KIAA1549L: variants seen among roughly 807,000 people sequenced by gnomAD.
KIAA1549L encodes the protein UPF0606 protein KIAA1549L.
In KIAA1549L, 88 loss-of-function variants were observed where a neutral mutation model predicts 160.7. The ratio of observed to expected loss-of-function variants is 0.55; its 90% CI spans 0.46 to 0.65. KIAA1549L has a LOEUF of 0.65. Ranked by LOEUF, KIAA1549L falls within the 30% of genes least tolerant of loss-of-function variation. The probability of loss-of-function intolerance (pLI) is 0.00; values close to 1 mark genes in which losing one functional copy is unlikely to be tolerated. For missense variants in KIAA1549L, 2,258 were observed against 2,437.5 expected, an observed-to-expected ratio of 0.93 and a Z score of 1.55; for synonymous variants, 950 against 976.7, an observed-to-expected ratio of 0.97 and a Z score of 0.51.
At chr11:33,546,862 C>A (rs1854282889) in intron 3 of KIAA1549L, among the ~76,000 whole-genome samples, 1 of 152,202 alleles carries the variant, frequency 6.6e-6, no homozygotes, top group South Asian at 2.1e-4. Flanking sequence ...TAGGTGCAGT[C>A]AAGGTCAACA....
chr11:33,426,119 A>G (rs1467658067), intron 1 of KIAA1549L, among the ~76,000 whole-genome samples: 1 of 152,218 alleles, frequency 6.6e-6, no homozygotes, highest in African/African-American at 2.4e-5. Context: ...GCAACATTCA[A>G]ATAAGGTCTA....
intron 15 of KIAA1549L, among the ~76,000 whole-genome samples, chr11:33,611,729 ACACT>A (rs1358139194): frequency 1.3e-5 from 2 of 152,068 alleles, no homozygotes; most frequent in Admixed American, 6.5e-5. Context: ...TTTCATGCTG[ACACT>A]CAGGGAAAAT....
At chr11:33,466,966 T>A (rs1184531879) in intron 1 of KIAA1549L, among the ~76,000 whole-genome samples, 1 of 40,202 alleles carries the variant, frequency 2.5e-5, no homozygotes, top group East Asian at 5.5e-4. Context: ...CTGGGGCCTG[T>A]TGGGGGGTGG....
At chr11:33,435,780 A>ATGTGTGTGTGTGTGTGTGTGTGTG (rs1307533670) in intron 1 of KIAA1549L, among the ~76,000 whole-genome samples, 1 of 18,336 alleles carries the variant, frequency 5.5e-5, no homozygotes, top group African/African-American at 4.0e-4. Context: ...ATATATATAT[A>ATGTGTGTGTGTGTGTGTGTGTGTG]TATATATATA....
chr11:33,504,476 T>C (rs1853032915), intron 1 of KIAA1549L, among the ~76,000 whole-genome samples: 1 of 151,724 alleles, frequency 6.6e-6, no homozygotes, highest in African/African-American at 2.4e-5. Context: ...CCTTTCTCTT[T>C]CCTTTTTTTG....
intron 13 of KIAA1549L, among the ~76,000 whole-genome samples, chr11:33,603,400 C>A (rs550234631): frequency 6.6e-6 from 1 of 151,974 alleles, no homozygotes; most frequent in African/African-American, 2.4e-5. Context: ...TAAGCTGCAA[C>A]TTGAAAAGCA....
intron 1 of KIAA1549L, among the ~76,000 whole-genome samples, chr11:33,522,836 C>T (rs947692391): frequency 6.6e-6 from 1 of 151,568 alleles, no homozygotes; most frequent in African/African-American, 2.4e-5. Context: ...GAGTTCAAGG[C>T]TGCAATGAGC....
chr11:33,602,409 T>C (rs1390651128), intron 13 of KIAA1549L, among the ~76,000 whole-genome samples: 4 of 152,228 alleles, frequency 2.6e-5, no homozygotes, highest in African/African-American at 7.2e-5. Context: ...TAATAAATAA[T>C]ACTAGAGAAT....
chr11:33,574,618 A>G, intron 9 of KIAA1549L, 84 bp from the exon 10 acceptor site: 1 of 1,317,610 alleles, frequency 7.6e-7, no homozygotes, highest in Admixed American at 2.0e-5. Flanking sequence ...AGCAGTCAGG[A>G]GAGGAACATC....
At chr11:33,558,453 G>C (rs999546449) in intron 6 of KIAA1549L, among the ~76,000 whole-genome samples, 1 of 152,118 alleles carries the variant, frequency 6.6e-6, no homozygotes, top group Non-Finnish European at 1.5e-5. Context: ...ATATCCTCCC[G>C]AAGGCAGTGG....
intron 1 of KIAA1549L, among the ~76,000 whole-genome samples, chr11:33,527,238 G>C (rs1853634346): frequency 6.6e-6 from 1 of 152,188 alleles, no homozygotes; most frequent in South Asian, 2.1e-4. Flanking sequence ...ACTTATTTGA[G>C]AGAATAATTG....
chr11:33,506,562 A>AT (rs1029299363), intron 1 of KIAA1549L, among the ~76,000 whole-genome samples: 21 of 151,900 alleles, frequency 1.4e-4, no homozygotes, highest in African/African-American at 4.8e-4. Flanking sequence ...CCTACAACAA[A>AT]TTTTTTTAAA....
At chr11:33,640,829 T>G (rs1193816739) in intron 16 of KIAA1549L, among the ~76,000 whole-genome samples, 1 of 152,166 alleles carries the variant, frequency 6.6e-6, no homozygotes, top group African/African-American at 2.4e-5. Flanking sequence ...TAAAAACAGC[T>G]TTTTGAAAAA....
chr11:33,667,654 A>T lies in KIAA1549L; in HGVS notation c.6160-219A>T, dbSNP rs182568483. Among the ~76,000 whole-genome samples, 185 of 152,276 alleles carry T rather than the reference A, an allele frequency of 1.2e-3. 5 individuals are homozygous for T. Among genetic ancestry groups the T allele is most frequent in the South Asian group, 6.2e-3 (30 of 4,824 alleles). On this transcript the variant is annotated intron_variant, in intron 20 of 20. Coordinates refer to ENST00000658780, the MANE Select transcript of KIAA1549L (RefSeq NM_012194.3). Reference sequence around the variant, plus strand: ...CATGAGCCGTCCACCTCGGACTTCCAAAGTGCCGGGATTACAGGCGTGAGC... The same window carrying T: ...CATGAGCCGTCCACCTCGGACTTCCTAAGTGCCGGGATTACAGGCGTGAGC...
intron 12 of KIAA1549L, among the ~76,000 whole-genome samples, chr11:33,596,221 G>A (rs1185135602): frequency 6.6e-6 from 1 of 152,116 alleles, no homozygotes. Context: ...CATGTGAGTG[G>A]ACATGCATGC....
intron 16 of KIAA1549L, among the ~76,000 whole-genome samples, chr11:33,639,548 T>A (rs555103218): frequency 2.3e-4 from 35 of 152,298 alleles, no homozygotes; most frequent in Non-Finnish European, 4.3e-4. Flanking sequence ...TTATTATTAT[T>A]ATTATTTTTG....
intron 6 of KIAA1549L, among the ~76,000 whole-genome samples, 198 bp downstream of exon 6, chr11:33,552,439 G>C (rs1397785209): frequency 2.0e-5 from 3 of 152,042 alleles, no homozygotes; most frequent in Non-Finnish European, 4.4e-5. Context: ...GTGGTTTGGG[G>C]TTTTATATTT....
chr11:33,382,233 GC>G (rs1389571308), intron 1 of KIAA1549L, among the ~76,000 whole-genome samples: 1 of 152,120 alleles, frequency 6.6e-6, no homozygotes, highest in African/African-American at 2.4e-5. Flanking sequence ...AAACAATGAG[GC>G]AGTAGGAAGA....
chr11:33,583,831 A>G (rs1490783367), intron 11 of KIAA1549L, among the ~76,000 whole-genome samples: 1 of 152,228 alleles, frequency 6.6e-6, no homozygotes, highest in Non-Finnish European at 1.5e-5. Context: ...GATTTTAGAG[A>G]TAATGTAATC....
Sources: allele counts gnomAD v4.1 joint callset (sites outside exome capture counted in the v4.1 genomes callset), GRCh38; gene constraint gnomAD v4.1.1; transcripts MANE v1.5; gene names NCBI Gene and HGNC (gene_info 2026-07-23, HGNC 2026-07-21).